C3orf70: variants seen among roughly 807,000 people sequenced by gnomAD.
C3orf70 encodes UPF0524 protein C3orf70.
In C3orf70, 15 loss-of-function variants were observed where a neutral mutation model predicts 20.7. The ratio of observed to expected loss-of-function variants is 0.72; its 90% confidence interval spans 0.48 to 1.11. C3orf70 has a LOEUF of 1.11. Ranked by LOEUF, C3orf70 falls within the 50% of genes most tolerant of loss-of-function variation. The probability of loss-of-function intolerance (pLI) is 0.00; values close to 1 mark genes in which losing one functional copy is unlikely to be tolerated. For missense variants in C3orf70, 332 were observed against 317.6 expected (o/e 1.05, Z -0.34); for synonymous variants, 161 against 125.7 (o/e 1.28, Z -1.88).
chr3:185,140,943 G>A (rs1716738086), intron 1 of C3orf70, among the ~76,000 whole-genome samples: 1 of 149,324 alleles, frequency 6.7e-6, no homozygotes, highest in African/African-American at 2.5e-5. Context: ...ACTCCAGCCT[G>A]GGCAACAGAG....
At chr3:185,148,768 T>C (rs1261035585) in intron 1 of C3orf70, among the ~76,000 whole-genome samples, 1 of 152,196 alleles carries the variant, frequency 6.6e-6, no homozygotes, top group East Asian at 1.9e-4. Context: ...CAACAGAACA[T>C]ATGATGCTTT....
At chr3:185,120,259 A>C (rs1056126587) in intron 1 of C3orf70, among the ~76,000 whole-genome samples, 7 of 152,158 alleles carry the variant, frequency 4.6e-5, no homozygotes, top group African/African-American at 7.2e-5. Flanking sequence ...TCATTCAACA[A>C]ATATGTACTA....
intron 1 of C3orf70, among the ~76,000 whole-genome samples, chr3:185,144,373 C>T (rs1189541678): frequency 1.3e-5 from 2 of 152,196 alleles, no homozygotes; most frequent in Non-Finnish European, 2.9e-5. Context: ...ATCTACATTA[C>T]CTAGTATTTC....
In C3orf70 at chr3:185,082,981, G is replaced by C. The variant is rs538616874; in HGVS notation, c.*26C>G. The C allele has an allele frequency of 1.0e-5, 16 of 1,601,060 alleles. No individual in the cohort carries two copies. Among genetic ancestry groups the C allele is most frequent in the Non-Finnish European group, 1.4e-5 (16 of 1,173,244 alleles). On this transcript the variant is annotated 3_prime_UTR_variant, in exon 2 of 2. Transcript: ENST00000335012. ...AGGTACAAAAGCTCGGCGTGGGTCC[G>C]AGGCTGTGGCTTCCTGTCTGGACTC...
chr3:185,088,563 AAAT>A (rs1232465987), intron 1 of C3orf70, among the ~76,000 whole-genome samples: 1 of 152,228 alleles, frequency 6.6e-6, no homozygotes, highest in Non-Finnish European at 1.5e-5. Context: ...AACAACAGGG[AAAT>A]AATCACCATA....
chr3:185,134,116 C>CATATAT (rs1553921592), intron 1 of C3orf70, among the ~76,000 whole-genome samples: 1 of 134,662 alleles, frequency 7.4e-6, no homozygotes, highest in African/African-American at 2.7e-5. Context: ...AAAAATACAT[C>CATATAT]ATATATATAT....
At position 185,152,853 on chromosome 3, in the gene C3orf70, G is replaced by C. The variant is rs1227826561; in HGVS notation, c.-30C>G. The C allele has an allele frequency of 6.8e-7, 1 of 1,479,454 alleles. No homozygotes were observed. The highest frequency in any genetic ancestry group is 2.1e-5 in the Admixed American group (1 of 46,872). The allele number at this position is 1,479,454 out of a possible 1,614,324, so 91.6% of individuals were successfully genotyped here. A position where few individuals can be genotyped will look rare whatever the true frequency, so the allele number is the denominator to read the frequency against. On this transcript the variant is annotated 5_prime_UTR_variant, in exon 1 of 2. Coordinates refer to ENST00000335012, the MANE Select transcript of C3orf70 (RefSeq NM_001025266.3). ...TCTCCCTCCGCGCGGAGCCGACACC[G>C]GGAGCCCGGGAGAAGCGACGTCTGG...
rs906139135 is a variant in C3orf70, at chr3:185,083,277, C to T, written c.483G>A (p.Glu161=). ...APHSHRMSPE[E]VSAHDALISK... is the part of the protein sequence containing the mutation. ...AAATTAAGGCATCGTGTGCAGAGACCTCCTCAGGGCTCATTCTGTGGGAAT... is the reference window on the plus strand; with the variant it reads ...AAATTAAGGCATCGTGTGCAGAGACTTCCTCAGGGCTCATTCTGTGGGAAT... The change falls in exon 2 of 2, where the codon GAG becomes GAA. Residue 161 remains glutamate (E), a synonymous_variant. Transcript: ENST00000335012. 3 of 1,614,080 alleles carry T rather than the reference C, an allele frequency of 1.9e-6. No homozygotes were observed. Among genetic ancestry groups the T allele is most frequent in the African/African-American group, 2.7e-5 (2 of 74,914 alleles).
intron 1 of C3orf70, among the ~76,000 whole-genome samples, chr3:185,093,210 G>C (rs1715631200): frequency 6.6e-6 from 1 of 152,196 alleles, no homozygotes; most frequent in Non-Finnish European, 1.5e-5. Flanking sequence ...AACCTGTACA[G>C]GGCAGGAGCC....
intron 1 of C3orf70, among the ~76,000 whole-genome samples, chr3:185,116,500 C>T (rs1222670838): frequency 2.0e-5 from 3 of 152,202 alleles, no homozygotes; most frequent in Non-Finnish European, 2.9e-5. Context: ...GAAGAGCTAT[C>T]CTCTACATTC....
chr3:185,152,913 AG>A lies in C3orf70; in HGVS notation c.-91del. The A allele has an allele frequency of 8.0e-7, 1 of 1,257,338 alleles. No homozygotes were observed. The highest frequency in any genetic ancestry group is 1.6e-5 in the African/African-American group (1 of 63,018). The allele number at this position is 1,257,338 out of a possible 1,614,324, so 77.9% of individuals were successfully genotyped here. A position where few individuals can be genotyped will look rare whatever the true frequency, so the allele number is the denominator to read the frequency against. Reference sequence around the variant, plus strand: ...AAGCCGAGCCGGCTGCGGACGCGGGAGGGCGCGGCACGGGCCGGGAGTCACG... The same window carrying A: ...AAGCCGAGCCGGCTGCGGACGCGGGAGGCGCGGCACGGGCCGGGAGTCACG... On this transcript the variant is annotated 5_prime_UTR_variant, in exon 1 of 2. Transcript: ENST00000335012.
intron 1 of C3orf70, among the ~76,000 whole-genome samples, chr3:185,105,940 G>A (rs1344146617): frequency 1.3e-5 from 2 of 152,156 alleles, no homozygotes; most frequent in Non-Finnish European, 2.9e-5. Context: ...GGAGAGTATA[G>A]CAAAGTAACA....
chr3:185,133,440 G>A (rs1364204250), intron 1 of C3orf70, among the ~76,000 whole-genome samples: 2 of 152,126 alleles, frequency 1.3e-5, no homozygotes, highest in Non-Finnish European at 2.9e-5. Context: ...GTAAGAAATT[G>A]GTTAAAAAAC....
intron 1 of C3orf70, among the ~76,000 whole-genome samples, chr3:185,118,632 A>G (rs1490744102): frequency 6.6e-6 from 1 of 152,188 alleles, no homozygotes; most frequent in East Asian, 1.9e-4. Flanking sequence ...TAACATTTAA[A>G]TTACACTAAA....
At position 185,152,804 on chromosome 3, in the gene C3orf70, G is replaced by C. The variant is rs1717023003; in HGVS notation, c.20C>G (p.Pro7Arg). The C allele has an allele frequency of 6.4e-7, 1 of 1,564,466 alleles. No individual in the cohort carries two copies. The highest frequency in any genetic ancestry group is 8.7e-7 in the Non-Finnish European group (1 of 1,153,718). Reference sequence around the variant, plus strand: ...GCTCTTCCAACCCCGCTCCGACGCCGGCGAGGCCGCCGCACTCATTTCCTC... The same window carrying C: ...GCTCTTCCAACCCCGCTCCGACGCCCGCGAGGCCGCCGCACTCATTTCCTC... MSAAAS[P>R]ASERGWKSEK... is the part of the protein sequence containing the mutation. Residue 7 changes from proline (P) to arginine (R), a missense_variant, in exon 1 of 2, where the codon CCG (proline) becomes CGG (arginine). Pro to Arg is a moderately radical substitution (Grantham distance 103). Transcript: ENST00000335012.
intron 1 of C3orf70, among the ~76,000 whole-genome samples, chr3:185,112,307 G>A (rs1438443430): frequency 1.3e-5 from 2 of 152,118 alleles, no homozygotes; most frequent in South Asian, 4.2e-4. Context: ...ATAAATAGAA[G>A]TCACTCGTGG....
chr3:185,082,929 C>T lies in C3orf70; in HGVS notation c.*78G>A. 3 of 1,440,466 alleles carry T rather than the reference C, an allele frequency of 2.1e-6. No individual in the cohort carries two copies. The highest frequency in any genetic ancestry group is 2.0e-5 in the Admixed American group (1 of 50,824). The allele number at this position is 1,440,466 out of a possible 1,614,324, so 89.2% of individuals were successfully genotyped here. A position where few individuals can be genotyped will look rare whatever the true frequency, so the allele number is the denominator to read the frequency against. On this transcript the variant is annotated 3_prime_UTR_variant, in exon 2 of 2. Transcript: ENST00000335012. ...CGGGGTGGGTAGAAAATATCAACAGCATTGGAAAAAAGGATCCACCAGACA... is the reference window on the plus strand; with the variant it reads ...CGGGGTGGGTAGAAAATATCAACAGTATTGGAAAAAAGGATCCACCAGACA...
intron 1 of C3orf70, among the ~76,000 whole-genome samples, chr3:185,087,076 G>A (rs976216103): frequency 6.6e-6 from 1 of 152,164 alleles, no homozygotes; most frequent in Non-Finnish European, 1.5e-5. Context: ...TGTTTACTAT[G>A]AGAATAAAAT....
At chr3:185,094,082 T>G (rs1307381626) in intron 1 of C3orf70, among the ~76,000 whole-genome samples, 3 of 141,662 alleles carry the variant, frequency 2.1e-5, no homozygotes, top group African/African-American at 8.1e-5. Context: ...GGGTTTTTTT[T>G]TTTTTTTTTT....
Sources: allele counts gnomAD v4.1 joint callset (sites outside exome capture counted in the v4.1 genomes callset), GRCh38; gene constraint gnomAD v4.1.1; transcripts MANE v1.5; gene names NCBI Gene and HGNC (gene_info 2026-07-23, HGNC 2026-07-21).